The following HYDIN variants were observed in gnomAD, a reference collection of about 807,000 sequenced individuals.
The protein encoded by HYDIN is HYDIN axonemal central pair apparatus protein, also known as axonemal central pair apparatus protein HYDIN.
Under a neutral mutation model 403.9 loss-of-function variants are expected in HYDIN, and 132 were observed. The observed-to-expected ratio is 0.33, with a 90% CI of 0.28 to 0.38. HYDIN has a LOEUF of 0.38. Among genes scored for constraint, HYDIN ranks in the 10% least tolerant of loss-of-function variants. The pLI is 1.00. For synonymous variants in HYDIN, 1,202 were observed against 1,891.7 expected (o/e 0.64, Z 9.46); for missense variants, 2,827 against 5,009.5 (o/e 0.56, Z 13.15).
intron 1 of HYDIN, among the ~76,000 whole-genome samples, chr16:71,222,503 A>G (rs912886571): frequency 9.2e-5 from 14 of 152,146 alleles, no homozygotes; most frequent in Admixed American, 9.2e-4. Flanking sequence ...AGCAAGAGAA[A>G]AAAATAAAGG....
rs11075841 is a variant in HYDIN at position 71,040,956 on chromosome 16, G to A, written c.2530-9039C>T. 1.8e-3 allele frequency among the ~76,000 whole-genome samples: 271 copies of A among 149,256 alleles called. 4 individuals are homozygous for A. Among genetic ancestry groups the A allele is most frequent in the Middle Eastern group, 6.8e-3 (2 of 294 alleles). ...TAAATCTGACAGAAGAATGAATCAC[G>A]TCCTCCTCTGCGCTTCACATTATAA... On this transcript the variant is annotated intron_variant, in intron 18 of 85. Transcript: ENST00000393567.
intron 23 of HYDIN, among the ~76,000 whole-genome samples, chr16:70,996,371 G>C (rs1452407570): frequency 6.6e-6 from 1 of 152,138 alleles, no homozygotes; most frequent in African/African-American, 2.4e-5. Flanking sequence ...ATCAGAGTCA[G>C]AGCCACAGGA....
chr16:71,178,291 T>C (rs967971905), intron 4 of HYDIN, among the ~76,000 whole-genome samples: 1 of 151,658 alleles, frequency 6.6e-6, no homozygotes, highest in Non-Finnish European at 1.5e-5. Flanking sequence ...TGGTGGCGCA[T>C]GCCTGTAGTC....
chr16:71,056,888 AG>A (rs1283382276), intron 18 of HYDIN, among the ~76,000 whole-genome samples: 1 of 141,602 alleles, frequency 7.1e-6, no homozygotes, highest in East Asian at 2.0e-4. Flanking sequence ...AAATTAGCAT[AG>A]TTCAATTTTT....
intron 53 of HYDIN, among the ~76,000 whole-genome samples, chr16:70,900,047 T>C (rs2076320920): frequency 6.6e-6 from 1 of 151,340 alleles, no homozygotes; most frequent in Non-Finnish European, 1.5e-5. Context: ...CCTGTCTGAA[T>C]GACATTGTAA....
At chr16:70,811,259 AAAC>A (rs558899462) in intron 84 of HYDIN, 95 of 151,656 alleles carry the variant, frequency 6.3e-4, no homozygotes, top group South Asian at 3.3e-3. Context: ...CTGTTTCTAC[AAAC>A]AACAACAACA....
In HYDIN at chr16:70,862,222, G is replaced by A. The variant is rs777778365; in HGVS notation, c.11603C>T (p.Thr3868Met). The A allele has an allele frequency of 2.0e-5, 33 of 1,613,342 alleles. No individual in the cohort carries two copies. The highest frequency in any genetic ancestry group is 1.8e-4 in the Middle Eastern group (1 of 5,696). Residue 3868 changes from threonine (T) to methionine (M), a missense_variant, in exon 69 of 86, where the codon ACG (threonine) becomes ATG (methionine). Transcript: ENST00000393567. Reference sequence around the variant, plus strand: ...GTCCAGGGTGCTGCCTGTATGCATCGTGCCCTGACTAAGCTGATCTTTTTG... The same window carrying A: ...GTCCAGGGTGCTGCCTGTATGCATCATGCCCTGACTAAGCTGATCTTTTTG... Reference protein sequence around the residue: ...SAQKDQLSQGTMHTGSTLDST... With the variant: ...SAQKDQLSQGMMHTGSTLDST...
chr16:71,109,476 G>T (rs2083737031), intron 10 of HYDIN, among the ~76,000 whole-genome samples: 1 of 135,582 alleles, frequency 7.4e-6, no homozygotes, highest in African/African-American at 3.8e-5. Flanking sequence ...AAGGGAAGGA[G>T]ATTTTTTATC....
intron 47 of HYDIN, 146 bp from the exon 48 acceptor site, chr16:70,909,007 G>A (rs1273651507): frequency 1.2e-5 from 9 of 724,618 alleles, no homozygotes; most frequent in Non-Finnish European, 2.0e-5. Context: ...GTCTTGGGTA[G>A]TGACAAGACC....
chr16:70,971,285 T>C (rs920709765), intron 35 of HYDIN, among the ~76,000 whole-genome samples: 4 of 152,284 alleles, frequency 2.6e-5, no homozygotes, highest in African/African-American at 9.6e-5. Context: ...GTGTGTACTT[T>C]GTGTATTTTC....
chr16:71,106,392 G>A (rs2083617298), intron 10 of HYDIN, among the ~76,000 whole-genome samples: 1 of 152,106 alleles, frequency 6.6e-6, no homozygotes, highest in South Asian at 2.1e-4. Context: ...GACATCCCAA[G>A]CCTGAGCTGT....
At chr16:70,956,394 A>G (rs1195070723) in intron 39 of HYDIN, among the ~76,000 whole-genome samples, 3 of 152,380 alleles carry the variant, frequency 2.0e-5, no homozygotes, top group African/African-American at 2.4e-5. Flanking sequence ...CTTATAAAAA[A>G]AGAAATAGGT....
intron 69 of HYDIN, among the ~76,000 whole-genome samples, chr16:70,861,324 G>A (rs2039402818): frequency 6.6e-6 from 1 of 151,938 alleles, no homozygotes; most frequent in South Asian, 2.1e-4. Flanking sequence ...TGGCCTAGGT[G>A]TGGGAGGGGT....
At chr16:71,188,547 C>T (rs1254170150) in intron 1 of HYDIN, among the ~76,000 whole-genome samples, 1 of 152,124 alleles carries the variant, frequency 6.6e-6, no homozygotes, top group Non-Finnish European at 1.5e-5. Flanking sequence ...GAGTGTGAAA[C>T]ACCATAATTC....
chr16:70,941,172 TAC>T (rs1419334024), intron 43 of HYDIN, among the ~76,000 whole-genome samples: 2 of 149,528 alleles, frequency 1.3e-5, no homozygotes, highest in Non-Finnish European at 3.0e-5. Flanking sequence ...ATCTCTGAGC[TAC>T]ATTCTCCTTT....
chr16:70,845,969 T>C (rs1288541706), intron 75 of HYDIN, among the ~76,000 whole-genome samples: 2 of 151,464 alleles, frequency 1.3e-5, no homozygotes, highest in East Asian at 3.9e-4. Flanking sequence ...TCTATCAGTT[T>C]TGTTGATCCT....
In HYDIN at chr16:71,168,283, C is replaced by T. The variant is rs2086321391; in HGVS notation, c.517-5553G>A. ...GCAGTGAGCAGAGATCACACCATTGCACTCCAGTCTAGGCAACAAGAGCAA... is the reference window on the plus strand; with the variant it reads ...GCAGTGAGCAGAGATCACACCATTGTACTCCAGTCTAGGCAACAAGAGCAA... On this transcript the variant is annotated intron_variant, in intron 5 of 85. Transcript: ENST00000393567. 4.7e-5 allele frequency among the ~76,000 whole-genome samples: 7 copies of T among 147,508 alleles called. No homozygotes were observed. In the South Asian group the frequency reaches 1.5e-3, roughly 32 times the overall value.
At chr16:70,954,444 C>A (rs1483369961) in intron 40 of HYDIN, among the ~76,000 whole-genome samples, 1 of 139,832 alleles carries the variant, frequency 7.2e-6, no homozygotes, top group Non-Finnish European at 1.5e-5. Context: ...CAGAGAGATA[C>A]CTTGTCTCAA....
At position 70,938,628 on chromosome 16, in the gene HYDIN, G is replaced by A. The variant is rs368622938; in HGVS notation, c.6981C>T (p.Arg2327=). The A allele has an allele frequency of 1.3e-4, 215 of 1,599,866 alleles. 1 individual carries two copies. In the East Asian group the frequency reaches 2.1e-3, roughly 16 times the overall value. ...TFDRGIQQAL[R]ERKKREQERL... ...TTGGCCCTGACCTCTTCTTCCGCTC[G>A]CGGAGCGCCTGCTGAATCCCCCGAT... The change falls in exon 44 of 86, where the codon CGC becomes CGT. Residue 2327 remains arginine (R), a synonymous_variant. Coordinates refer to ENST00000393567, the MANE Select transcript of HYDIN (RefSeq NM_001270974.2).
Sources: allele counts gnomAD v4.1 joint callset (sites outside exome capture counted in the v4.1 genomes callset), GRCh38; gene constraint gnomAD v4.1.1; transcripts MANE v1.5; gene names NCBI Gene and HGNC (gene_info 2026-07-23, HGNC 2026-07-21).